Variants in IL17RD observed in about 807,000 individuals in gnomAD.
The protein encoded by IL17RD is interleukin 17 receptor D.
In IL17RD, 52 loss-of-function variants were observed where a neutral mutation model predicts 80.5. That is an observed-to-expected ratio of 0.65 (90% CI 0.52 to 0.81). IL17RD has a LOEUF of 0.81. Among genes scored for constraint, IL17RD ranks in the 40% least tolerant of loss-of-function variants. The pLI is 0.00. For synonymous variants in IL17RD, 416 were observed against 391.8 expected (o/e 1.06, Z -0.73); for missense variants, 1,024 against 955.1 (o/e 1.07, Z -0.95).
At chr3:57,107,335 T>C (rs937996443) in intron 5 of IL17RD, among the ~76,000 whole-genome samples, 9 of 150,832 alleles carry the variant, frequency 6.0e-5, no homozygotes, top group African/African-American at 1.7e-4. Context: ...GCCGAGATCA[T>C]GCCACTGCAC....
chr3:57,169,252 T>A (rs1454700506), upstream of IL17RD: 1 of 518,960 alleles, frequency 1.9e-6, no homozygotes, highest in East Asian at 5.5e-5. Flanking sequence ...CAGGATTGCC[T>A]GTAGTCCAGT....
At position 57,097,840 on chromosome 3, in the gene IL17RD, C is replaced by G. The variant is rs770255548; in HGVS notation, c.1863G>C (p.Glu621Asp). The stretch of plus-strand genomic sequence containing the variant: ...CTTGGTCCAGGCCCCCATGCTGACT[C>G]TCGTGCTGGGAGTCGGCTGGTCCGG... ...GATGPADSQHESQHGGLDQDG... is the reference protein window; with the variant it reads ...GATGPADSQHDSQHGGLDQDG... Residue 621 changes from glutamate to aspartate, a missense_variant, in exon 12 of 13, where the codon GAG (glutamate) becomes GAC (aspartate). Physicochemically the swap from Glu to Asp is conservative, Grantham distance 45. Coordinates refer to ENST00000296318, the MANE Select transcript of IL17RD (RefSeq NM_017563.5). 2 of 1,612,386 alleles carry G rather than the reference C, an allele frequency of 1.2e-6. No homozygotes were observed. The highest frequency in any genetic ancestry group is 1.6e-4 in the Middle Eastern group (1 of 6,076).
At chr3:57,121,899 C>T (rs1707347516) in intron 1 of IL17RD, among the ~76,000 whole-genome samples, 1 of 152,168 alleles carries the variant, frequency 6.6e-6, no homozygotes, top group South Asian at 2.1e-4. Context: ...AACTCACTCC[C>T]CATCTATTAG....
At chr3:57,145,013 C>T (rs747439167) in intron 1 of IL17RD, among the ~76,000 whole-genome samples, 31 of 152,324 alleles carry the variant, frequency 2.0e-4, no homozygotes, top group Non-Finnish European at 2.5e-4. Flanking sequence ...AAAAAATGAA[C>T]GACTCAGTTC....
At chr3:57,124,004 C>T (rs1707395411) in intron 1 of IL17RD, among the ~76,000 whole-genome samples, 5 of 152,180 alleles carry the variant, frequency 3.3e-5, no homozygotes. Context: ...GAGATCGCGC[C>T]ATCGTACTCC....
intron 1 of IL17RD, among the ~76,000 whole-genome samples, chr3:57,156,731 C>T (rs1395897240): frequency 6.6e-6 from 1 of 152,172 alleles, no homozygotes; most frequent in Non-Finnish European, 1.5e-5. Context: ...CACAGGCAAA[C>T]TTCAAGGTGC....
chr3:57,141,177 C>T (rs1707821057), intron 1 of IL17RD, among the ~76,000 whole-genome samples: 1 of 152,182 alleles, frequency 6.6e-6, no homozygotes, highest in African/African-American at 2.4e-5. Flanking sequence ...GTCGGGATTA[C>T]AGACGTGAGC....
chr3:57,098,492 T>C lies in IL17RD; in HGVS notation c.1211A>G (p.Gln404Arg), dbSNP rs1451348906. The change falls in exon 12 of 13, where the codon CAG becomes CGG. Residue 404 changes from glutamine (Q) to arginine (R), a missense_variant. Coordinates refer to ENST00000296318, the MANE Select transcript of IL17RD (RefSeq NM_017563.5). Reference protein sequence around the residue: ...WEDFSLCREGQREWVIQKIHE... With the variant: ...WEDFSLCREGRREWVIQKIHE... ...GATCTTCTGGATGACCCATTCTCTC[T>C]GCCCTTCTCTACAGAGGCTGAAGTC... The C allele has an allele frequency of 3.7e-6, 6 of 1,613,280 alleles. No homozygotes were observed. Among genetic ancestry groups the C allele is most frequent in the Non-Finnish European group, 5.1e-6 (6 of 1,179,426 alleles).
intron 1 of IL17RD, among the ~76,000 whole-genome samples, chr3:57,121,417 G>A (rs1412383741): frequency 6.6e-6 from 1 of 152,138 alleles, no homozygotes; most frequent in African/African-American, 2.4e-5. Context: ...GTGTATCCCT[G>A]AACTCAGATA....
intron 12 of IL17RD, 51 bp downstream of exon 12, chr3:57,097,545 G>T: frequency 7.1e-7 from 1 of 1,400,058 alleles, no homozygotes; most frequent in Non-Finnish European, 9.9e-7. Flanking sequence ...GATTTCAGAA[G>T]CATGGTCAAA....
intron 1 of IL17RD, among the ~76,000 whole-genome samples, chr3:57,121,533 A>C (rs1707337397): frequency 1.3e-5 from 2 of 152,096 alleles, no homozygotes; most frequent in South Asian, 4.2e-4. Context: ...CTAAATCCAC[A>C]TGACACACCA....
chr3:57,140,255 T>C (rs959030290), intron 1 of IL17RD, among the ~76,000 whole-genome samples: 10 of 152,206 alleles, frequency 6.6e-5, no homozygotes, highest in Admixed American at 2.6e-4. Context: ...TTTGCAGTTT[T>C]TGAAACAATG....
chr3:57,142,380 G>A (rs1707845356), intron 1 of IL17RD: 3 of 539,416 alleles, frequency 5.6e-6, no homozygotes, highest in Admixed American at 2.4e-5. Flanking sequence ...AGTGGAGGGA[G>A]AAACAAAGGG....
intron 1 of IL17RD, among the ~76,000 whole-genome samples, chr3:57,120,771 T>C (rs1298751463): frequency 2.0e-5 from 3 of 152,178 alleles, no homozygotes; most frequent in Non-Finnish European, 4.4e-5. Context: ...AACTGGTTTC[T>C]CATTTCAAGA....
chr3:57,163,852 G>GCTTA (rs1392889500), intron 1 of IL17RD, among the ~76,000 whole-genome samples: 5 of 147,012 alleles, frequency 3.4e-5, no homozygotes, highest in African/African-American at 1.3e-4. Context: ...CGTCTCCATA[G>GCTTA]CTTAGCTACT....
intron 1 of IL17RD, among the ~76,000 whole-genome samples, chr3:57,127,297 T>TATATATAAAA (rs1444613880): frequency 1.3e-4 from 10 of 76,280 alleles, no homozygotes; most frequent in Non-Finnish European, 1.9e-4. Context: ...TATATATAAA[T>TATATATAAAA]ATATATAAAA....
At chr3:57,128,221 G>C (rs1039634183) in intron 1 of IL17RD, among the ~76,000 whole-genome samples, 14 of 152,106 alleles carry the variant, frequency 9.2e-5, no homozygotes, top group African/African-American at 3.1e-4. Context: ...GTTCCCACCA[G>C]CAATTACCAC....
Position 57,114,689 on chromosome 3 carries a change from C to T in IL17RD, c.310+3G>A. The stretch of plus-strand genomic sequence containing the variant: ...ACCATGCACTCGATTTTTGACCACT[C>T]ACCGAGGGCCCCTGGGGACCAAAGA... On this transcript the variant is annotated splice_donor_region_variant and intron_variant, in intron 3 of 12. Transcript: ENST00000296318. 1 of 1,602,234 alleles carries T rather than the reference C, an allele frequency of 6.2e-7. No individual in the cohort carries two copies. Among genetic ancestry groups the T allele is most frequent in the Non-Finnish European group, 8.5e-7 (1 of 1,175,554 alleles).
chr3:57,130,689 G>A (rs1408325729), intron 1 of IL17RD, among the ~76,000 whole-genome samples: 3 of 152,144 alleles, frequency 2.0e-5, no homozygotes, highest in Non-Finnish European at 4.4e-5. Flanking sequence ...CGGCCCAGGG[G>A]TGACACTCAC....
Sources: gnomAD v4.1 joint callset for allele counts (sites outside exome capture counted in the v4.1 genomes callset) on GRCh38, gnomAD v4.1.1 for gene constraint, MANE v1.5 for transcripts, NCBI Gene and HGNC (gene_info 2026-07-23, HGNC 2026-07-21) for gene names.